BAX: variants seen among roughly 807,000 people sequenced by gnomAD.
BAX encodes BCL2 associated X, apoptosis regulator, also known as apoptosis regulator BAX.
BAX carries 21 observed loss-of-function variants against 26.8 expected under a neutral mutation model. The ratio of observed to expected loss-of-function variants is 0.78; its 90% CI spans 0.56 to 1.13. The LOEUF is 1.13. BAX is among the 50% of genes most tolerant of loss of function. The pLI is 0.00. For missense variants in BAX, 236 were observed against 254.6 expected (o/e 0.93, Z 0.50); for synonymous variants, 110 against 101.8 (o/e 1.08, Z -0.49).
rs375752615 is a variant in BAX at position 48,960,879 on chromosome 19, C to A, written c.439C>A (p.Arg147=). ...CTGGACATTGGACTTCCTCCGGGAGCGGCTGTTGGGCTGGATCCAAGACCA... is the reference window on the plus strand; with the variant it reads ...CTGGACATTGGACTTCCTCCGGGAGAGGCTGTTGGGCTGGATCCAAGACCA... ...MGWTLDFLRE[R]LLGWIQDQGG... The change falls in exon 5 of 6, where the codon CGG becomes AGG. Residue 147 remains arginine, a synonymous_variant. Transcript: ENST00000345358. The A allele has an allele frequency of 1.9e-6, 3 of 1,614,134 alleles. No homozygotes were observed. Among genetic ancestry groups the A allele is most frequent in the Admixed American group, 1.7e-5 (1 of 60,018 alleles).
At chr19:48,955,143 T>C in intron 1 of BAX, 181 bp downstream of exon 1, 1 of 728,210 alleles carries the variant, frequency 1.4e-6, no homozygotes, top group Non-Finnish European at 1.9e-6. Context: ...CTGATCCCCG[T>C]GTCCCGATCC....
Position 48,955,898 on chromosome 19 carries a change from C to T in BAX, c.233+65C>T, listed in dbSNP as rs1488258820. ...TCCTTCAGGACACAGGACTCTCAGC[C>T]CCGCATTCTCCTCCTCCCCTAAGAA... On this transcript the variant is annotated intron_variant, in intron 3 of 5. Coordinates refer to ENST00000345358, the MANE Select transcript of BAX (RefSeq NM_138761.4). 2.0e-6 allele frequency: 3 copies of T among 1,494,116 alleles called. No individual in the cohort carries two copies. In the African/African-American group the frequency reaches 4.2e-5, roughly 21 times the overall value. 92.6% of individuals were successfully genotyped at this position (1,494,116 alleles called of 1,614,324 possible).
chr19:48,961,251 T>TTTC, intron 5 of BAX: 1 of 309,932 alleles, frequency 3.2e-6, no homozygotes, highest in Non-Finnish European at 4.9e-6. Flanking sequence ...AGCTCTTTCC[T>TTTC]TTTTTTTTTT....
At chr19:48,955,474 C>G (rs2038086891) in intron 1 of BAX, 74 bp from the exon 2 acceptor site, 1 of 1,510,292 alleles carries the variant, frequency 6.6e-7, no homozygotes, top group Non-Finnish European at 8.9e-7. Context: ...CCTCAGGGGC[C>G]GTGAGTCTCC....
At chr19:48,956,656 T>A (rs1439160477) in intron 4 of BAX, among the ~76,000 whole-genome samples, 8 of 149,108 alleles carry the variant, frequency 5.4e-5, no homozygotes, top group Non-Finnish European at 8.9e-5. Flanking sequence ...ATTTCTATTT[T>A]TTTTTTTTTT....
chr19:48,955,753 T>C lies in BAX; in HGVS notation c.153T>C (p.Pro51=), dbSNP rs779379020. 6.2e-7 allele frequency: 1 copy of C among 1,613,262 alleles called. No individual in the cohort carries two copies. The highest frequency in any genetic ancestry group is 8.5e-7 in the Non-Finnish European group (1 of 1,179,740). ...EAPELALDPV[P]QDASTKKLSE... Reference sequence around the variant, plus strand: ...CCGAGCTGGCCCTGGACCCGGTGCCTCAGGATGCGTCCACCAAGAAGCTGA... The same window carrying C: ...CCGAGCTGGCCCTGGACCCGGTGCCCCAGGATGCGTCCACCAAGAAGCTGA... The change falls in exon 3 of 6, where the codon CCT becomes CCC. Residue 51 remains proline, a synonymous_variant. Transcript: ENST00000345358.
Position 48,954,969 on chromosome 19 carries a change from C to A in BAX, c.34+7C>A. ...GAGCAGCCCAGAGGCGGGGGTGAGGCGGGAGGCAGACGGGCGGGAGGAGGG... is the reference window on the plus strand; with the variant it reads ...GAGCAGCCCAGAGGCGGGGGTGAGGAGGGAGGCAGACGGGCGGGAGGAGGG... On this transcript the variant is annotated splice_region_variant and intron_variant, in intron 1 of 5. Transcript: ENST00000345358. 8.2e-7 allele frequency: 1 copy of A among 1,220,490 alleles called. No homozygotes were observed. Among genetic ancestry groups the A allele is most frequent in the Admixed American group, 3.9e-5 (1 of 25,452 alleles). 75.6% of individuals were successfully genotyped at this position (1,220,490 alleles called of 1,614,324 possible).
chr19:48,955,314 A>G (rs1162709840), intron 1 of BAX: 3 of 473,256 alleles, frequency 6.3e-6, no homozygotes, highest in Non-Finnish European at 1.1e-5. Flanking sequence ...CTGGATGCAT[A>G]TAGCGTTCCC....
intron 4 of BAX, among the ~76,000 whole-genome samples, chr19:48,957,162 G>A (rs1486461063): frequency 6.7e-6 from 1 of 149,846 alleles, no homozygotes; most frequent in Non-Finnish European, 1.5e-5. Flanking sequence ...GGCCAGTGCT[G>A]TTGGAACAGA....
chr19:48,958,179 G>A (rs1041721332), intron 4 of BAX, among the ~76,000 whole-genome samples: 2 of 150,508 alleles, frequency 1.3e-5, no homozygotes, highest in East Asian at 2.0e-4. Flanking sequence ...GCCTCAAACC[G>A]CTGGGGTCAA....
chr19:48,960,268 A>G (rs1311773519), intron 4 of BAX: 4 of 441,160 alleles, frequency 9.1e-6, no homozygotes, highest in Non-Finnish European at 1.8e-5. Flanking sequence ...ATCTGGGCTC[A>G]CTGCAACCTC....
At chr19:48,960,193 TTTTA>T (rs988409371) in intron 4 of BAX, 17 of 443,062 alleles carry the variant, frequency 3.8e-5, no homozygotes, top group Admixed American at 7.4e-5. Context: ...ATTTTATTTT[TTTTA>T]TTTATTTATT....
intron 5 of BAX, chr19:48,961,220 C>T: frequency 2.0e-6 from 3 of 1,465,560 alleles, no homozygotes; most frequent in Non-Finnish European, 2.7e-6. Flanking sequence ...TGCTCAAGTT[C>T]ATTGATGACC....
intron 4 of BAX, among the ~76,000 whole-genome samples, chr19:48,956,573 C>A (rs1189282971): frequency 1.3e-5 from 2 of 152,148 alleles, no homozygotes; most frequent in Non-Finnish European, 2.9e-5. Context: ...AGGCTACATC[C>A]CTGCTCTCAG....
intron 1 of BAX, 142 bp from the exon 2 acceptor site, chr19:48,955,406 C>T (rs938751659): frequency 4.4e-6 from 4 of 911,222 alleles, no homozygotes; most frequent in South Asian, 2.0e-5. Context: ...TTGTCTGGGC[C>T]CCCCCGTCAC....
At chr19:48,957,206 A>G (rs1489148112) in intron 4 of BAX, among the ~76,000 whole-genome samples, 1 of 145,342 alleles carries the variant, frequency 6.9e-6, no homozygotes, top group Non-Finnish European at 1.5e-5. Context: ...AGGAAGGCAC[A>G]GTTGGGCAGG....
intron 4 of BAX, 147 bp from the exon 5 acceptor site, chr19:48,960,663 A>G: frequency 2.7e-6 from 2 of 741,450 alleles, no homozygotes; most frequent in Admixed American, 4.9e-5. Context: ...GCACCTGGCC[A>G]TGTTTACAAT....
Position 48,956,315 on chromosome 19 carries a change from C to T in BAX, c.351C>T (p.Ala117=). 1 of 1,575,862 alleles carries T rather than the reference C, an allele frequency of 6.3e-7. No individual in the cohort carries two copies. Among genetic ancestry groups the T allele is most frequent in the Non-Finnish European group, 8.6e-7 (1 of 1,161,744 alleles). The change falls in exon 4 of 6, where the codon GCC becomes GCT. Residue 117 remains alanine, a synonymous_variant. Transcript: ENST00000345358. Reference sequence around the variant, plus strand: ...GGGTTGTCGCCCTTTTCTACTTTGCCAGCAAACTGGTGCTCAAGGTGGGCA... The same window carrying T: ...GGGTTGTCGCCCTTTTCTACTTTGCTAGCAAACTGGTGCTCAAGGTGGGCA... ...WGRVVALFYF[A]SKLVLKALCT...
At chr19:48,961,250 C>CTTTT in intron 5 of BAX, 1 of 1,212,794 alleles carries the variant, frequency 8.2e-7, no homozygotes, top group African/African-American at 1.6e-5. Context: ...TAGCTCTTTC[C>CTTTT]TTTTTTTTTT....
Sources: allele counts gnomAD v4.1 joint callset (sites outside exome capture counted in the v4.1 genomes callset), GRCh38; gene constraint gnomAD v4.1.1; transcripts MANE v1.5; gene names NCBI Gene and HGNC (gene_info 2026-07-23, HGNC 2026-07-21).